Variants in TAF6 observed in about 807,000 individuals in gnomAD.
The protein encoded by TAF6 is transcription initiation factor TFIID subunit 6.
Under a neutral mutation model 73.5 loss-of-function variants are expected in TAF6, and 50 were observed. The observed-to-expected ratio is 0.68, with a 90% confidence interval of 0.54 to 0.86. TAF6 has a LOEUF of 0.86. Ranked by LOEUF, TAF6 falls within the 40% of genes least tolerant of loss-of-function variation. The pLI is 0.00. For missense variants in TAF6, 768 were observed against 899.5 expected, an observed-to-expected ratio of 0.85 and a Z score of 1.87; for synonymous variants, 424 against 376.7, an observed-to-expected ratio of 1.13 and a Z score of -1.45.
intron 10 of TAF6, 85 bp downstream of exon 10, chr7:100,111,054 T>G: frequency 1.3e-6 from 2 of 1,494,082 alleles, no homozygotes; most frequent in Non-Finnish European, 1.8e-6. Context: ...CCCTCTTCCC[T>G]CTGCCCCCTT....
At chr7:100,110,334 C>T in intron 10 of TAF6, 60 bp from the exon 11 acceptor site, 1 of 1,558,788 alleles carries the variant, frequency 6.4e-7, no homozygotes, top group Non-Finnish European at 8.8e-7. Context: ...TGACAGGGAC[C>T]TAAGTCTTTC....
chr7:100,125,880 C>G, the TAF6 span, among the ~76,000 whole-genome samples: 1 of 151,992 alleles, frequency 6.6e-6, no homozygotes, highest in Non-Finnish European at 1.5e-5. Context: ...CTCGTCTCTA[C>G]CAAAAATACA....
chr7:100,113,259 G>T, intron 5 of TAF6, 90 bp downstream of exon 5: 1 of 1,265,294 alleles, frequency 7.9e-7, no homozygotes, highest in South Asian at 1.5e-5. Flanking sequence ...CTCCAGCACA[G>T]GCAACAGAGT....
At position 100,107,939 on chromosome 7, in the gene TAF6, G is replaced by C; in HGVS notation, c.1643C>G (p.Pro548Arg). Residue 548 changes from proline to arginine, a missense_variant, in exon 14 of 15, where the codon CCA becomes CGA. Around this residue, in one of 5 missense-constraint regions of TAF6, gnomAD observed 350 missense variants for 352.3 expected, o/e 0.99. Transcript: ENST00000453269. ...FIVMSSSSSA[P>R]STQQVLSLST... Reference sequence around the variant, plus strand: ...AGCTCTGCATACCTGCTGGGTGGATGGGGCGCTGGAGGACGATGACATTAC... The same window carrying C: ...AGCTCTGCATACCTGCTGGGTGGATCGGGCGCTGGAGGACGATGACATTAC... The C allele has an allele frequency of 6.2e-7, 1 of 1,611,102 alleles. No individual in the cohort carries two copies. Among genetic ancestry groups the C allele is most frequent in the Non-Finnish European group, 8.5e-7 (1 of 1,178,056 alleles).
At chr7:100,119,700 C>G (rs1387385509), upstream of TAF6, 1 of 1,613,920 alleles carries the variant, frequency 6.2e-7, no homozygotes, top group South Asian at 1.1e-5. Context: ...ACTACCTTCC[C>G]GAAGTTGAAG....
upstream of TAF6, among the ~76,000 whole-genome samples, chr7:100,123,927 A>C (rs969874406): frequency 1.3e-5 from 2 of 152,148 alleles, no homozygotes; most frequent in Non-Finnish European, 2.9e-5. Context: ...TCAGGGGTTC[A>C]AGACCAGCCG....
At position 100,107,623 on chromosome 7, in the gene TAF6, C is replaced by A; in HGVS notation, c.1657G>T (p.Val553Phe). The A allele has an allele frequency of 1.2e-6, 2 of 1,611,262 alleles. No individual in the cohort carries two copies. Among genetic ancestry groups the A allele is most frequent in the South Asian group, 1.1e-5 (1 of 90,962 alleles). Reference protein sequence around the residue: ...SSSSAPSTQQVLSLSTSAPGS... With the variant: ...SSSSAPSTQQFLSLSTSAPGS... ...GGGGCCGAGGTGCTGAGGGACAGGA[C>A]CTGGATAGAAAGGAAAGGCAGGCCG... is the stretch of plus-strand genomic sequence containing the variant. The change falls in exon 15 of 15, where the codon GTC becomes TTC. Residue 553 changes from valine (V) to phenylalanine (F), a missense_variant and splice_region_variant. Val to Phe is a conservative substitution (Grantham distance 50). Coordinates refer to ENST00000453269, the MANE Select transcript of TAF6 (RefSeq NM_139315.3).
chr7:100,110,995 AG>A (rs1797136860), intron 10 of TAF6, 143 bp downstream of exon 10: 2 of 742,832 alleles, frequency 2.7e-6, no homozygotes, highest in African/African-American at 2.0e-5. Context: ...AAAAAAAAAA[AG>A]GTATTACAGA....
chr7:100,121,927 G>C (rs1798085020), upstream of TAF6: 1 of 235,426 alleles, frequency 4.2e-6, no homozygotes, highest in Non-Finnish European at 8.5e-6. Context: ...GTGGGTGCCT[G>C]TAGTCCCAGC....
intron 10 of TAF6, 131 bp downstream of exon 10, chr7:100,111,008 A>G: frequency 9.6e-7 from 1 of 1,045,038 alleles, no homozygotes; most frequent in Non-Finnish European, 1.4e-6. Context: ...TATTACAGAC[A>G]AGCCTCAAGA....
At chr7:100,122,703 T>C (rs1368867806), upstream of TAF6, 54 of 1,556,886 alleles carry the variant, frequency 3.5e-5, no homozygotes, top group East Asian at 4.5e-5. Context: ...TCTCCAGTAG[T>C]TGACAAAACT....
rs569966605 is a variant in TAF6 at position 100,109,519 on chromosome 7, G to A, written c.1284+429C>T. Among the ~76,000 whole-genome samples, 6 of 151,930 alleles carry A rather than the reference G, an allele frequency of 3.9e-5. No individual in the cohort carries two copies. The South Asian group carries it at 6.2e-4, about 16-fold the overall frequency. On this transcript the variant is annotated intron_variant, in intron 12 of 14. Coordinates refer to ENST00000453269, the MANE Select transcript of TAF6 (RefSeq NM_139315.3). ...GTTAAACCCTTCTTTTTTGGGGGGC[G>A]GTGGTCTCCCTCTGTAACCCAGGCT...
upstream of TAF6, among the ~76,000 whole-genome samples, chr7:100,123,283 C>A (rs939053244): frequency 1.3e-5 from 2 of 151,344 alleles, no homozygotes; most frequent in African/African-American, 4.9e-5. Flanking sequence ...TGGAGGTTGC[C>A]ATGAGCCAAG....
intron 4 of TAF6, 44 bp downstream of exon 4, chr7:100,113,572 C>G: frequency 6.2e-7 from 1 of 1,605,792 alleles, no homozygotes; most frequent in Non-Finnish European, 8.5e-7. Flanking sequence ...CACATCTGTC[C>G]TCCTTTCCCT....
upstream of TAF6, chr7:100,122,908 T>C (rs1798112795): frequency 1.2e-6 from 2 of 1,611,562 alleles, no homozygotes; most frequent in Non-Finnish European, 1.7e-6. Context: ...AAGAAGCAGG[T>C]AGGATAAGAC....
Position 100,111,421 on chromosome 7 carries a change from T to C in TAF6, c.901-100A>G, listed in dbSNP as rs1189053452. The C allele has an allele frequency of 1.0e-5, 14 of 1,361,168 alleles. No homozygotes were observed. The South Asian group carries it at 1.4e-4, about 14-fold the overall frequency. The allele number at this position is 1,361,168 out of a possible 1,614,324, so 84.3% of individuals were successfully genotyped here. ...AGGCTGGTGTGCAGGGACACAATCA[T>C]GGCTAACTGCAGCATCAATCTCCCG... On this transcript the variant is annotated intron_variant, in intron 9 of 14. Coordinates refer to ENST00000453269, the MANE Select transcript of TAF6 (RefSeq NM_139315.3).
chr7:100,122,008 C>A, upstream of TAF6: 1 of 391,324 alleles, frequency 2.6e-6, no homozygotes, highest in East Asian at 6.0e-5. Context: ...CGAGACTGCG[C>A]CACTGCACTA....
At chr7:100,115,930 C>T (rs1363233889) in intron 1 of TAF6, among the ~76,000 whole-genome samples, 2 of 151,992 alleles carry the variant, frequency 1.3e-5, no homozygotes, top group African/African-American at 2.4e-5. Context: ...AAGATCGTGC[C>T]ACTGGACTCC....
At chr7:100,117,470 C>T (rs534337700) in intron 1 of TAF6, among the ~76,000 whole-genome samples, 4 of 151,636 alleles carry the variant, frequency 2.6e-5, no homozygotes, top group African/African-American at 9.6e-5. Context: ...TGGGGTTTCA[C>T]CATGTTGCTC....
Sources: allele counts gnomAD v4.1 joint callset (sites outside exome capture counted in the v4.1 genomes callset), GRCh38; gene constraint gnomAD v4.1.1; regional missense constraint gnomAD v4.1.1; transcripts MANE v1.5; gene names NCBI Gene and HGNC (gene_info 2026-07-23, HGNC 2026-07-21).